Variants in ADGRV1 observed in about 807,000 individuals in gnomAD.
ADGRV1 encodes the protein adhesion G protein-coupled receptor V1.
Under a neutral mutation model 596.2 loss-of-function variants are expected in ADGRV1, and 359 were observed. That is an observed-to-expected ratio of 0.60 (90% CI 0.55 to 0.66). The LOEUF is 0.66. ADGRV1 is among the 30% of genes least tolerant of loss of function. The pLI, the probability that ADGRV1 is intolerant of heterozygous loss-of-function variation, is 0.00. For synonymous variants in ADGRV1, 2,681 were observed against 2,679.2 expected, an observed-to-expected ratio of 1.00 and a Z score of -0.02; for missense variants, 7,274 against 7,575.6, an observed-to-expected ratio of 0.96 and a Z score of 1.48.
At chr5:90,912,856 T>C (rs1293621555) in intron 83 of ADGRV1, among the ~76,000 whole-genome samples, 1 of 152,202 alleles carries the variant, frequency 6.6e-6, no homozygotes, top group African/African-American at 2.4e-5. Context: ...TCTTTGCTAT[T>C]GTAAATAGTC....
Position 91,164,197 on chromosome 5 carries a change from C to A in ADGRV1, c.*297C>A. ...AACATTGTTTAATGAAAGTAATAATCAATAAAGCAATAGAATCTATTTGGT... is the reference window on the plus strand; with the variant it reads ...AACATTGTTTAATGAAAGTAATAATAAATAAAGCAATAGAATCTATTTGGT... On this transcript the variant is annotated 3_prime_UTR_variant, in exon 90 of 90. Transcript: ENST00000405460. 2.5e-6 allele frequency: 1 copy of A among 401,598 alleles called. No individual in the cohort carries two copies. The highest frequency in any genetic ancestry group is 4.7e-6 in the Non-Finnish European group (1 of 211,722). The allele number at this position is 401,598 out of a possible 1,614,324, so 24.9% of individuals were successfully genotyped here. A position where few individuals can be genotyped will look rare whatever the true frequency, so the allele number is the denominator to read the frequency against.
intron 86 of ADGRV1, among the ~76,000 whole-genome samples, chr5:91,078,227 C>A (rs1453693040): frequency 6.6e-6 from 1 of 151,876 alleles, no homozygotes; most frequent in Non-Finnish European, 1.5e-5. Context: ...TTATTGAAAA[C>A]TTTTTATAGT....
chr5:91,100,923 A>G (rs1281170447), intron 86 of ADGRV1, among the ~76,000 whole-genome samples: 2 of 152,344 alleles, frequency 1.3e-5, no homozygotes, highest in East Asian at 3.9e-4. Flanking sequence ...GCTGGTAATC[A>G]TCAAAAGTGT....
chr5:90,817,990 TA>T (rs1244660806), intron 75 of ADGRV1, among the ~76,000 whole-genome samples: 10 of 152,178 alleles, frequency 6.6e-5, no homozygotes, highest in Non-Finnish European at 1.5e-4. Flanking sequence ...ATTGAATCTG[TA>T]AATTACCTTG....
At chr5:90,724,066 A>G (rs1207167202) in intron 45 of ADGRV1, among the ~76,000 whole-genome samples, 2 of 152,164 alleles carry the variant, frequency 1.3e-5, no homozygotes, top group Non-Finnish European at 1.5e-5. Flanking sequence ...AAAATTAGAT[A>G]GGCATAATTT....
rs775507391 is a variant in ADGRV1 at position 90,647,555 on chromosome 5, A to G, written c.3080A>G (p.Asn1027Ser). 1.9e-6 allele frequency: 3 copies of G among 1,613,712 alleles called. No individual in the cohort carries two copies. The highest frequency in any genetic ancestry group is 1.7e-5 in the Admixed American group (1 of 60,002). Residue 1027 changes from asparagine (N) to serine (S), a missense_variant, in exon 17 of 90, where the codon AAT (asparagine) becomes AGT (serine). This residue lies in a region of ADGRV1 where 1,715 missense variants were observed against 1,708.8 expected (regional missense o/e 1.00). Coordinates refer to ENST00000405460, the MANE Select transcript of ADGRV1 (RefSeq NM_032119.4). ...ACTGCCAACTTTACAGTTCTCAGAA[A>G]TGGATCTGTTGATGTGACTTGCATG... ...GETANFTVLR[N>S]GSVDVTCMVQ...
At chr5:91,103,472 ACCATCAGGGCAGAG>A (rs1314448924) in intron 87 of ADGRV1, among the ~76,000 whole-genome samples, 1 of 151,138 alleles carries the variant, frequency 6.6e-6, no homozygotes, top group Non-Finnish European at 1.5e-5. Flanking sequence ...GGGCCTGTTG[ACCATCAGGGCAGAG>A]CCATCAGGGC....
Position 90,704,373 on chromosome 5 carries a change from T to A in ADGRV1, c.8287-16T>A, listed in dbSNP as rs756091290. The A allele has an allele frequency of 2.7e-6, 4 of 1,486,956 alleles. No individual in the cohort carries two copies. Among genetic ancestry groups the A allele is most frequent in the Non-Finnish European group, 3.7e-6 (4 of 1,088,800 alleles). 92.1% of individuals were successfully genotyped at this position (1,486,956 alleles called of 1,614,324 possible). A position where few individuals can be genotyped will look rare whatever the true frequency, so the allele number is the denominator to read the frequency against. ...CAATAACGACAGCGGGATTGATTTCTTTCTGTATGACATAGGGGTCGTTGA... is the reference window on the plus strand; with the variant it reads ...CAATAACGACAGCGGGATTGATTTCATTCTGTATGACATAGGGGTCGTTGA... On this transcript the variant is annotated splice_polypyrimidine_tract_variant and intron_variant, in intron 35 of 89. Coordinates refer to ENST00000405460, the MANE Select transcript of ADGRV1 (RefSeq NM_032119.4).
At chr5:90,857,191 A>G (rs1021156770) in intron 82 of ADGRV1, among the ~76,000 whole-genome samples, 2 of 152,162 alleles carry the variant, frequency 1.3e-5, no homozygotes, top group African/African-American at 4.8e-5. Context: ...TAGTTCCAAA[A>G]TCAGATGGAG....
At chr5:90,987,875 A>G (rs1780625251) in intron 85 of ADGRV1, among the ~76,000 whole-genome samples, 1 of 152,044 alleles carries the variant, frequency 6.6e-6, no homozygotes, top group African/African-American at 2.4e-5. Context: ...GAAAATCTCC[A>G]AGTGTCTTGT....
chr5:91,038,482 G>A (rs1785082743), intron 85 of ADGRV1, among the ~76,000 whole-genome samples: 1 of 152,204 alleles, frequency 6.6e-6, no homozygotes, highest in Non-Finnish European at 1.5e-5. Context: ...GACAGTGGCA[G>A]TGTAGATGAA....
At chr5:90,622,922 G>C (rs1764277702) in intron 5 of ADGRV1, among the ~76,000 whole-genome samples, 1 of 152,008 alleles carries the variant, frequency 6.6e-6, no homozygotes, top group Non-Finnish European at 1.5e-5. Context: ...TGTATTTTTA[G>C]TAGAGACAGG....
intron 1 of ADGRV1, among the ~76,000 whole-genome samples, chr5:90,614,462 A>G (rs1307620653): frequency 6.6e-6 from 1 of 152,098 alleles, no homozygotes; most frequent in African/African-American, 2.4e-5. Flanking sequence ...TCGTAGTTTT[A>G]TTTGTGTAAA....
intron 1 of ADGRV1, among the ~76,000 whole-genome samples, chr5:90,594,826 C>G (rs1455623823): frequency 6.6e-6 from 1 of 150,800 alleles, no homozygotes; most frequent in Non-Finnish European, 1.5e-5. Flanking sequence ...AACAGGATCC[C>G]AAGGCAGAAG....
intron 70 of ADGRV1, among the ~76,000 whole-genome samples, chr5:90,798,819 C>G (rs76067558): frequency 6.6e-6 from 1 of 152,170 alleles, no homozygotes; most frequent in Non-Finnish European, 1.5e-5. Flanking sequence ...GAAGCAATGA[C>G]AAAAACCACA....
At chr5:91,127,631 G>T (rs1336807954) in intron 87 of ADGRV1, among the ~76,000 whole-genome samples, 4 of 151,866 alleles carry the variant, frequency 2.6e-5, no homozygotes, top group African/African-American at 9.7e-5. Context: ...TATTTCTTCA[G>T]CTGGATAAAC....
intron 1 of ADGRV1, among the ~76,000 whole-genome samples, chr5:90,605,152 AC>A (rs1761927756): frequency 6.6e-6 from 1 of 152,146 alleles, no homozygotes; most frequent in Non-Finnish European, 1.5e-5. Context: ...GAGTTAAAAG[AC>A]TTTATGTAAC....
intron 21 of ADGRV1, among the ~76,000 whole-genome samples, chr5:90,670,365 T>C (rs954321735): frequency 3.3e-5 from 5 of 152,204 alleles, no homozygotes; most frequent in African/African-American, 1.2e-4. Context: ...ATTTATCTTT[T>C]GTGGATGGAG....
intron 38 of ADGRV1, 117 bp downstream of exon 38, chr5:90,706,511 A>C: frequency 1.2e-6 from 1 of 864,158 alleles, no homozygotes; most frequent in East Asian, 2.7e-5. Flanking sequence ...ATATATATAC[A>C]TGTGCCATGT....
Sources: gnomAD v4.1 joint callset for allele counts (sites outside exome capture counted in the v4.1 genomes callset) on GRCh38, gnomAD v4.1.1 for gene constraint, gnomAD v4.1.1 regional missense constraint, MANE v1.5 for transcripts, NCBI Gene and HGNC (gene_info 2026-07-23, HGNC 2026-07-21) for gene names.